Variants in PIP5K1B observed in about 807,000 individuals in gnomAD.
PIP5K1B encodes phosphatidylinositol-4-phosphate 5-kinase type 1 beta.
In PIP5K1B, 42 loss-of-function variants were observed where a neutral mutation model predicts 67.0. The ratio of observed to expected loss-of-function variants is 0.63; its 90% CI spans 0.49 to 0.81. The LOEUF (loss-of-function observed/expected upper bound fraction) is 0.81. Among genes scored for constraint, PIP5K1B ranks in the 30% least tolerant of loss-of-function variants. The pLI, the probability that PIP5K1B is intolerant of heterozygous loss-of-function variation, is 0.00. For missense variants in PIP5K1B, 459 were observed against 646.3 expected (o/e 0.71, Z 3.14); for synonymous variants, 214 against 231.4 (o/e 0.92, Z 0.68).
intron 4 of PIP5K1B, among the ~76,000 whole-genome samples, chr9:68,846,292 T>A (rs765964398): frequency 2.6e-5 from 4 of 152,230 alleles, no homozygotes; most frequent in Non-Finnish European, 4.4e-5. Flanking sequence ...TCTGTGGTTT[T>A]CCAGAAATAT....
intron 14 of PIP5K1B, among the ~76,000 whole-genome samples, chr9:68,950,637 A>G (rs990267600): frequency 6.6e-6 from 1 of 152,212 alleles, no homozygotes; most frequent in South Asian, 2.1e-4. Context: ...TCATGTTACC[A>G]GTTCTGGCCA....
At chr9:68,793,000 T>C (rs1942795438) in intron 2 of PIP5K1B, among the ~76,000 whole-genome samples, 1 of 133,524 alleles carries the variant, frequency 7.5e-6, no homozygotes, top group Admixed American at 8.0e-5. Flanking sequence ...GCATACATTC[T>C]AACAGGGTAG....
At chr9:68,857,959 T>TTTGTTGTTGTTGGTGTTGTTGTTGTTG (rs1822868282) in intron 4 of PIP5K1B, among the ~76,000 whole-genome samples, 1 of 149,306 alleles carries the variant, frequency 6.7e-6, no homozygotes, top group South Asian at 2.2e-4. Flanking sequence ...CTCTTGCTGT[T>TTTGTTGTTGTTGGTGTTGTTGTTGTTG]TTGTTGTTGT....
At chr9:68,891,024 G>A (rs1824754304) in intron 7 of PIP5K1B, among the ~76,000 whole-genome samples, 1 of 152,166 alleles carries the variant, frequency 6.6e-6, no homozygotes. Context: ...AAGGTGGGTG[G>A]ATCACTTGAG....
chr9:68,983,460 G>GT (rs1015865050), intron 14 of PIP5K1B, among the ~76,000 whole-genome samples: 11 of 149,426 alleles, frequency 7.4e-5, no homozygotes, highest in Admixed American at 2.7e-4. Context: ...CTGTGTGTGT[G>GT]TTTTTTTTTT....
At chr9:68,976,168 G>A (rs765817717) in intron 14 of PIP5K1B, among the ~76,000 whole-genome samples, 2 of 152,224 alleles carry the variant, frequency 1.3e-5, no homozygotes, top group Non-Finnish European at 2.9e-5. Context: ...CCATTGAGGT[G>A]TAGTACAGAG....
chr9:68,787,192 T>C (rs558975985), intron 2 of PIP5K1B, among the ~76,000 whole-genome samples: 2 of 152,232 alleles, frequency 1.3e-5, no homozygotes, highest in East Asian at 3.9e-4. Context: ...TGAGTTGGGT[T>C]AGGGAAGGAA....
intron 2 of PIP5K1B, among the ~76,000 whole-genome samples, chr9:68,743,173 G>C (rs1829099909): frequency 6.6e-6 from 1 of 151,434 alleles, no homozygotes; most frequent in African/African-American, 2.4e-5. Context: ...CAGATCCTCT[G>C]CTGTGCATTT....
At chr9:68,719,408 T>C (rs1306635372) in intron 1 of PIP5K1B, among the ~76,000 whole-genome samples, 1 of 152,200 alleles carries the variant, frequency 6.6e-6, no homozygotes, top group Non-Finnish European at 1.5e-5. Context: ...CATCTTCCAT[T>C]GGAAAACAAG....
At chr9:68,882,488 G>A (rs1416186429) in intron 6 of PIP5K1B, among the ~76,000 whole-genome samples, 1 of 152,090 alleles carries the variant, frequency 6.6e-6, no homozygotes, top group Non-Finnish European at 1.5e-5. Context: ...AGTAACCAAT[G>A]AAATAGTCTT....
Position 68,713,635 on chromosome 9 carries a change from AGTCTTG to A in PIP5K1B, c.-243+7875_-243+7880del, listed in dbSNP as rs1827500771. ...AGAAATGAAAAATTCTCCCTCTGCC[AGTCTTG>A]GCTTTTCTCAGAACTGTGCGGATCA... On this transcript the variant is annotated intron_variant, in intron 1 of 15. Transcript: ENST00000265382. Among the ~76,000 whole-genome samples, 15 of 152,344 alleles carry A rather than the reference AGTCTTG, an allele frequency of 9.8e-5. No individual in the cohort carries two copies. The South Asian group carries it at 3.1e-3, about 32-fold the overall frequency.
At chr9:68,808,414 C>G (rs1032523333) in intron 2 of PIP5K1B, among the ~76,000 whole-genome samples, 2 of 152,014 alleles carry the variant, frequency 1.3e-5, no homozygotes, top group Non-Finnish European at 2.9e-5. Context: ...TTCCCCACCA[C>G]CCCGACACTA....
At chr9:68,912,543 C>T (rs1323796712) in intron 8 of PIP5K1B, among the ~76,000 whole-genome samples, 1 of 152,150 alleles carries the variant, frequency 6.6e-6, no homozygotes, top group Non-Finnish European at 1.5e-5. Flanking sequence ...TTTTGTGTGC[C>T]TAAGACTTGG....
chr9:68,777,043 G>A (rs1263573138), intron 2 of PIP5K1B, among the ~76,000 whole-genome samples: 1 of 152,114 alleles, frequency 6.6e-6, no homozygotes, highest in Non-Finnish European at 1.5e-5. Flanking sequence ...GTCACATAAT[G>A]GGTAGTTCCA....
Position 68,776,811 on chromosome 9 carries a change from G to T in PIP5K1B, c.-86+34154G>T, listed in dbSNP as rs140228029. 4.1e-3 allele frequency among the ~76,000 whole-genome samples: 627 copies of T among 152,282 alleles called. 2 individuals are homozygous for T. Among genetic ancestry groups the T allele is most frequent in the Non-Finnish European group, 6.7e-3 (454 of 68,024 alleles). On this transcript the variant is annotated intron_variant, in intron 2 of 15. Transcript: ENST00000265382. ...CGGAAGGGGGAAATGAGCCAGGGAGGTTCCTTGGATCCTGCCTCTGGCATT... is the reference window on the plus strand; with the variant it reads ...CGGAAGGGGGAAATGAGCCAGGGAGTTTCCTTGGATCCTGCCTCTGGCATT...
chr9:68,780,566 C>G (rs1341267202), intron 2 of PIP5K1B: 1 of 1,614,112 alleles, frequency 6.2e-7, no homozygotes, highest in African/African-American at 1.3e-5. Flanking sequence ...CCGCCTCCCC[C>G]AAGCGCATCG....
chr9:68,783,417 T>G (rs1329485689), intron 2 of PIP5K1B: 1 of 166,988 alleles, frequency 6.0e-6, no homozygotes, highest in East Asian at 1.9e-4. Context: ...GAAGGCAATG[T>G]ATACCTGCTG....
chr9:68,820,184 C>T (rs1318346603), intron 3 of PIP5K1B, among the ~76,000 whole-genome samples: 2 of 152,146 alleles, frequency 1.3e-5, no homozygotes, highest in African/African-American at 2.4e-5. Context: ...ATTCTGTTGG[C>T]TCTGTTAAAC....
chr9:68,857,136 C>T (rs910382990), intron 4 of PIP5K1B, among the ~76,000 whole-genome samples: 1 of 152,148 alleles, frequency 6.6e-6, no homozygotes, highest in Non-Finnish European at 1.5e-5. Flanking sequence ...GAACTGATTC[C>T]CCACCAGAGT....
Sources: gnomAD v4.1 joint callset for allele counts (sites outside exome capture counted in the v4.1 genomes callset) on GRCh38, gnomAD v4.1.1 for gene constraint, MANE v1.5 for transcripts, NCBI Gene and HGNC (gene_info 2026-07-23, HGNC 2026-07-21) for gene names.